The following CASK variants were observed in gnomAD, a reference collection of about 807,000 sequenced individuals.
CASK encodes the protein peripheral plasma membrane protein CASK.
CASK carries 4 observed loss-of-function variants against 82.9 expected under a neutral mutation model. The ratio of observed to expected loss-of-function variants is 0.05; its 90% CI spans 0.02 to 0.11. The LOEUF (loss-of-function observed/expected upper bound fraction) is 0.11, where lower values mean the gene tolerates loss of function less well. Among genes scored for constraint, CASK ranks in the 10% least tolerant of loss-of-function variants. The pLI is 1.00. For missense variants in CASK, 358 were observed against 720.9 expected (o/e 0.50, Z 5.76); for synonymous variants, 259 against 253.5 (o/e 1.02, Z -0.20).
At chrX:41,914,750 A>T (rs1428152923) in intron 1 of CASK, among the ~76,000 whole-genome samples, 1 of 112,386 alleles carries the variant, frequency 8.9e-6, no homozygotes, top group Non-Finnish European at 1.9e-5. Context: ...AATGAAAAGG[A>T]CATAATCTTA....
intron 2 of CASK, among the ~76,000 whole-genome samples, chrX:41,843,230 T>C (rs1285298443): frequency 8.9e-6 from 1 of 112,255 alleles, no homozygotes; most frequent in African/African-American, 3.2e-5. Context: ...ACAGATACTC[T>C]TATCTTATTC....
intron 5 of CASK, among the ~76,000 whole-genome samples, chrX:41,685,994 GT>G (rs1437553780): frequency 1.8e-5 from 2 of 112,038 alleles, no homozygotes; most frequent in African/African-American, 6.5e-5. Flanking sequence ...TTAAGCAGTG[GT>G]CCTCAAACCT....
At chrX:41,797,550 C>G (rs2069887475) in intron 2 of CASK, among the ~76,000 whole-genome samples, 1 of 111,561 alleles carries the variant, frequency 9.0e-6, no homozygotes, top group Non-Finnish European at 1.9e-5. Flanking sequence ...CCAACTTAGA[C>G]TCAACATCTA....
intron 5 of CASK, among the ~76,000 whole-genome samples, chrX:41,686,254 TA>T (rs1248014151): frequency 1.8e-5 from 2 of 110,827 alleles, no homozygotes; most frequent in Non-Finnish European, 3.8e-5. Flanking sequence ...CATACCCAGC[TA>T]ATTTTTGTGT....
intron 25 of CASK, chrX:41,529,408 T>C (rs959607414): frequency 1.1e-5 from 2 of 174,962 alleles, no homozygotes; most frequent in Non-Finnish European, 2.2e-5. Context: ...GCAGCAGCAG[T>C]GGCGGTGGCG....
intron 1 of CASK, among the ~76,000 whole-genome samples, chrX:41,865,210 G>A (rs190221472): frequency 9.0e-6 from 1 of 111,483 alleles, no homozygotes; most frequent in East Asian, 2.8e-4. Flanking sequence ...TAATCAATAA[G>A]GCACACAAGA....
chrX:41,882,763 A>G (rs968364036), intron 1 of CASK, among the ~76,000 whole-genome samples: 3 of 111,421 alleles, frequency 2.7e-5, no homozygotes, highest in Non-Finnish European at 1.9e-5. Context: ...AGGATCACAC[A>G]GAGATCACAC....
intron 21 of CASK, among the ~76,000 whole-genome samples, chrX:41,551,866 C>A (rs774884801): frequency 1.3e-5 from 1 of 79,345 alleles, no homozygotes; most frequent in African/African-American, 5.1e-5. Context: ...GGCCACAGGG[C>A]GAGACTCCGT....
intron 2 of CASK, among the ~76,000 whole-genome samples, chrX:41,845,410 T>A (rs2071133023): frequency 8.9e-6 from 1 of 112,163 alleles, no homozygotes; most frequent in Non-Finnish European, 1.9e-5. Context: ...TCTTGATGGA[T>A]TAATGCTGCT....
At chrX:41,733,624 C>T (rs2068445362) in intron 5 of CASK, among the ~76,000 whole-genome samples, 1 of 109,217 alleles carries the variant, frequency 9.2e-6, no homozygotes. Context: ...TGGCGGGCAC[C>T]TGTAGTCCCA....
intron 5 of CASK, among the ~76,000 whole-genome samples, chrX:41,678,908 T>G (rs1249522290): frequency 9.2e-6 from 1 of 108,724 alleles, no homozygotes; most frequent in Admixed American, 9.9e-5. Context: ...TTGTTTAAAA[T>G]TATGCCTCTA....
intron 22 of CASK, among the ~76,000 whole-genome samples, chrX:41,542,226 C>T (rs920925966): frequency 8.9e-6 from 1 of 112,546 alleles, no homozygotes; most frequent in Non-Finnish European, 1.9e-5. Context: ...CTCTCTCAAA[C>T]CAACCACAGA....
At chrX:41,732,390 T>C in intron 5 of CASK, among the ~76,000 whole-genome samples, 1 of 111,526 alleles carries the variant, frequency 9.0e-6, no homozygotes, top group South Asian at 3.9e-4. Context: ...TTCTGTTCAA[T>C]TTGCTGAGGA....
At chrX:41,618,226 A>T (rs1388467356) in intron 11 of CASK, among the ~76,000 whole-genome samples, 2 of 112,765 alleles carry the variant, frequency 1.8e-5, no homozygotes, top group South Asian at 7.2e-4. Flanking sequence ...ATTTGTATTA[A>T]CAGCTTATAA....
intron 2 of CASK, among the ~76,000 whole-genome samples, chrX:41,819,699 A>C (rs1473332595): frequency 8.9e-6 from 1 of 111,950 alleles, no homozygotes; most frequent in Non-Finnish European, 1.9e-5. Context: ...GTAAAATATT[A>C]GTATTTTTAC....
intron 19 of CASK, 73 bp downstream of exon 19, chrX:41,556,959 T>G: frequency 1.3e-6 from 1 of 790,625 alleles, no homozygotes; most frequent in South Asian, 2.1e-5. Flanking sequence ...TGAACACATG[T>G]AACTAGAACA....
chrX:41,553,961 A>G, intron 20 of CASK, 46 bp from the exon 21 acceptor site: 4 of 940,969 alleles, frequency 4.3e-6, no homozygotes, highest in Non-Finnish European at 6.1e-6. Flanking sequence ...GTGATGTGAA[A>G]GAGAAGTTAG....
At chrX:41,738,296 G>A (rs909588696) in intron 5 of CASK, among the ~76,000 whole-genome samples, 1 of 112,586 alleles carries the variant, frequency 8.9e-6, no homozygotes, top group African/African-American at 3.2e-5. Flanking sequence ...TCATAAAGGG[G>A]GACCCATTGA....
At chrX:41,905,843 G>A (rs773361566) in intron 1 of CASK, among the ~76,000 whole-genome samples, 8 of 112,793 alleles carry the variant, frequency 7.1e-5, no homozygotes, top group East Asian at 2.8e-4. Context: ...CAATGAAATC[G>A]TTTTAGATAG....
Sources: gnomAD v4.1 joint callset for allele counts (sites outside exome capture counted in the v4.1 genomes callset) on GRCh38, gnomAD v4.1.1 for gene constraint, MANE v1.5 for transcripts, NCBI Gene and HGNC (gene_info 2026-07-23, HGNC 2026-07-21) for gene names.